Variants in IGF2BP2 observed in about 807,000 individuals in gnomAD.
IGF2BP2 encodes the protein insulin like growth factor 2 mRNA binding protein 2.
IGF2BP2 carries 17 observed loss-of-function variants against 75.8 expected under a neutral mutation model. The ratio of observed to expected loss-of-function variants is 0.22; its 90% CI spans 0.15 to 0.34. IGF2BP2 has a LOEUF of 0.34. Among genes scored for constraint, IGF2BP2 ranks in the 10% least tolerant of loss-of-function variants. The probability of loss-of-function intolerance (pLI) is 1.00; values close to 1 mark genes in which losing one functional copy is unlikely to be tolerated. For synonymous variants in IGF2BP2, 288 were observed against 295.6 expected, an observed-to-expected ratio of 0.97 and a Z score of 0.26; for missense variants, 516 against 772.4, an observed-to-expected ratio of 0.67 and a Z score of 3.93.
chr3:185,817,345 G>C (rs959540421), intron 2 of IGF2BP2, among the ~76,000 whole-genome samples: 11 of 152,128 alleles, frequency 7.2e-5, no homozygotes, highest in African/African-American at 2.7e-4. Context: ...TAATGCAAAA[G>C]CATCCATTTT....
intron 12 of IGF2BP2, among the ~76,000 whole-genome samples, chr3:185,655,909 G>A (rs1715361689): frequency 6.6e-6 from 1 of 152,206 alleles, no homozygotes; most frequent in South Asian, 2.1e-4. Context: ...AAATGAAGAG[G>A]CGCTGTAGTG....
chr3:185,769,045 A>C (rs1733501184), intron 2 of IGF2BP2, among the ~76,000 whole-genome samples: 1 of 152,102 alleles, frequency 6.6e-6, no homozygotes, highest in Admixed American at 6.6e-5. Context: ...TCAAAACAAA[A>C]AAAAGGTTGA....
In IGF2BP2 at chr3:185,816,724, T is replaced by A. The variant is rs563653362; in HGVS notation, c.239+6429A>T. ...AATTGTCCTATTTTTCACAAAATTA[T>A]TATTTGGAATAAATGAAATAATGTG... On this transcript the variant is annotated intron_variant, in intron 2 of 15. Coordinates refer to ENST00000382199, the MANE Select transcript of IGF2BP2 (RefSeq NM_006548.6). 8.5e-5 allele frequency among the ~76,000 whole-genome samples: 13 copies of A among 152,342 alleles called. No homozygotes were observed. In the South Asian group the frequency reaches 2.7e-3, roughly 32 times the overall value.
intron 2 of IGF2BP2, among the ~76,000 whole-genome samples, chr3:185,705,112 C>A (rs929720606): frequency 6.6e-6 from 1 of 152,308 alleles, no homozygotes; most frequent in East Asian, 1.9e-4. Flanking sequence ...AGGGCTCCCC[C>A]GCAAGACGCA....
At chr3:185,731,019 GAT>G (rs982068090) in intron 2 of IGF2BP2, among the ~76,000 whole-genome samples, 13 of 152,132 alleles carry the variant, frequency 8.5e-5, no homozygotes, top group African/African-American at 2.6e-4. Flanking sequence ...TAAATAAACT[GAT>G]GTTTACATTA....
rs1364489717 is a variant in IGF2BP2, at chr3:185,672,683, T to C, written c.1072-14A>G. 3.2e-5 allele frequency: 51 copies of C among 1,613,600 alleles called. No individual in the cohort carries two copies. Among genetic ancestry groups the C allele is most frequent in the Non-Finnish European group, 4.2e-5 (49 of 1,179,896 alleles). On this transcript the variant is annotated splice_polypyrimidine_tract_variant and intron_variant, in intron 9 of 15. Transcript: ENST00000382199. ...ATTGGCTTGTTGCTGGGAATAGAAATGGAGAAAAAAGATGAAGGGAGGAGA... is the reference window on the plus strand; with the variant it reads ...ATTGGCTTGTTGCTGGGAATAGAAACGGAGAAAAAAGATGAAGGGAGGAGA...
chr3:185,676,746 A>T (rs915424636), intron 7 of IGF2BP2, among the ~76,000 whole-genome samples: 3 of 128,594 alleles, frequency 2.3e-5, no homozygotes, highest in Admixed American at 1.6e-4. Context: ...ATATATATAT[A>T]TTTACTGGAG....
At chr3:185,753,888 T>C (rs1377569203) in intron 2 of IGF2BP2, among the ~76,000 whole-genome samples, 1 of 152,044 alleles carries the variant, frequency 6.6e-6, no homozygotes, top group African/African-American at 2.4e-5. Flanking sequence ...ACTCAGTTAG[T>C]GCATGCAAGA....
At chr3:185,787,835 C>G (rs926605744) in intron 2 of IGF2BP2, among the ~76,000 whole-genome samples, 1 of 152,110 alleles carries the variant, frequency 6.6e-6, no homozygotes, top group African/African-American at 2.4e-5. Flanking sequence ...GCTGTTTTCT[C>G]AGCACCAAGA....
At chr3:185,804,727 C>T (rs1253580648) in intron 2 of IGF2BP2, among the ~76,000 whole-genome samples, 2 of 152,028 alleles carry the variant, frequency 1.3e-5, no homozygotes, top group East Asian at 3.9e-4. Flanking sequence ...CGGTGGCTCA[C>T]GCCTGTAATC....
intron 10 of IGF2BP2, among the ~76,000 whole-genome samples, chr3:185,668,094 T>C (rs1179057183): frequency 6.6e-6 from 1 of 152,178 alleles, no homozygotes; most frequent in Non-Finnish European, 1.5e-5. Flanking sequence ...ATCCACAATA[T>C]CTTCAAGATA....
intron 2 of IGF2BP2, among the ~76,000 whole-genome samples, chr3:185,806,360 A>C (rs891643789): frequency 6.6e-6 from 1 of 152,202 alleles, no homozygotes; most frequent in African/African-American, 2.4e-5. Context: ...ATTTACCCGT[A>C]GTGTTTTTTA....
chr3:185,823,787 G>A (rs1311145023), intron 1 of IGF2BP2, among the ~76,000 whole-genome samples: 1 of 151,888 alleles, frequency 6.6e-6, no homozygotes, highest in Non-Finnish European at 1.5e-5. Flanking sequence ...GGGTTCGGGG[G>A]GCGCCGGCCG....
At chr3:185,650,415 A>G (rs1714396382) in intron 13 of IGF2BP2, among the ~76,000 whole-genome samples, 1 of 151,910 alleles carries the variant, frequency 6.6e-6, no homozygotes, top group African/African-American at 2.4e-5. Flanking sequence ...GGTGGCTCAC[A>G]CCTCTAATCC....
Position 185,643,373 on chromosome 3 carries a change from C to A in IGF2BP2, c.*2158G>T, listed in dbSNP as rs186455521. Reference sequence around the variant, plus strand: ...GGTCTTCTCTAGCTTGACATGCAGTCGATCCATCCCTCTAGCTCCGAGGTT... The same window carrying A: ...GGTCTTCTCTAGCTTGACATGCAGTAGATCCATCCCTCTAGCTCCGAGGTT... On this transcript the variant is annotated 3_prime_UTR_variant, in exon 16 of 16. Transcript: ENST00000382199. Among the ~76,000 whole-genome samples the A allele has an allele frequency of 6.6e-6, 1 of 152,226 alleles. No homozygotes were observed.
At chr3:185,823,854 T>A (rs1560528837) in intron 1 of IGF2BP2, among the ~76,000 whole-genome samples, 1 of 149,364 alleles carries the variant, frequency 6.7e-6, no homozygotes. Flanking sequence ...AGTTGGGGAG[T>A]GCGCGCGCGC....
intron 2 of IGF2BP2, among the ~76,000 whole-genome samples, chr3:185,800,260 T>G (rs745752665): frequency 3.3e-5 from 5 of 151,952 alleles, no homozygotes; most frequent in Non-Finnish European, 5.9e-5. Flanking sequence ...GGGAACGTCA[T>G]AGACCGGGGC....
intron 2 of IGF2BP2, among the ~76,000 whole-genome samples, chr3:185,730,275 A>T (rs1453722814): frequency 6.6e-6 from 1 of 152,102 alleles, no homozygotes; most frequent in Non-Finnish European, 1.5e-5. Flanking sequence ...GCTGCAAGAG[A>T]AATAATTTCA....
intron 2 of IGF2BP2, among the ~76,000 whole-genome samples, chr3:185,762,108 C>G (rs529179771): frequency 5.3e-5 from 8 of 152,228 alleles, no homozygotes; most frequent in Non-Finnish European, 1.2e-4. Flanking sequence ...AGACCCAAGG[C>G]CAGATGCGGT....
Sources: allele counts gnomAD v4.1 joint callset (sites outside exome capture counted in the v4.1 genomes callset), GRCh38; gene constraint gnomAD v4.1.1; transcripts MANE v1.5; gene names NCBI Gene and HGNC (gene_info 2026-07-23, HGNC 2026-07-21).